The following HDAC9 variants were observed in gnomAD, a reference collection of about 807,000 sequenced individuals.
HDAC9 encodes the protein MEF-2 interacting transcription repressor (MITR) protein.
HDAC9 carries 41 observed loss-of-function variants against 139.4 expected under a neutral mutation model. The observed-to-expected ratio is 0.29, with a 90% CI of 0.23 to 0.38. The LOEUF (loss-of-function observed/expected upper bound fraction) is 0.38, where lower values mean the gene tolerates loss of function less well. Ranked by LOEUF, HDAC9 falls within the 10% of genes least tolerant of loss-of-function variation. HDAC9 has a pLI of 1.00. For synonymous variants in HDAC9, 517 were observed against 476.2 expected (o/e 1.09, Z -1.12); for missense variants, 1,147 against 1,297.0 (o/e 0.88, Z 1.78).
At chr7:18,716,421 A>C (rs1463455127) in intron 12 of HDAC9, among the ~76,000 whole-genome samples, 1 of 152,316 alleles carries the variant, frequency 6.6e-6, no homozygotes, top group African/African-American at 2.4e-5. Flanking sequence ...TTTAATTTCA[A>C]AATTGGAATA....
intron 1 of HDAC9, among the ~76,000 whole-genome samples, chr7:18,405,131 G>A (rs1357338943): frequency 6.6e-6 from 1 of 152,156 alleles, no homozygotes; most frequent in Non-Finnish European, 1.5e-5. Flanking sequence ...AGTGGCCCCC[G>A]GCAGGGAATT....
intron 2 of HDAC9, among the ~76,000 whole-genome samples, chr7:18,235,305 T>G (rs1313531102): frequency 2.0e-5 from 3 of 152,186 alleles, no homozygotes; most frequent in African/African-American, 7.2e-5. Flanking sequence ...GAAATATACC[T>G]CCGAGAGACC....
At chr7:18,512,662 C>T (rs777874938) in intron 2 of HDAC9, among the ~76,000 whole-genome samples, 9 of 152,168 alleles carry the variant, frequency 5.9e-5, no homozygotes, top group Admixed American at 3.3e-4. Flanking sequence ...ATCTTATTTC[C>T]ACCTCAACTC....
In HDAC9 at chr7:18,365,911, C is replaced by A. The variant is rs569238898; in HGVS notation, c.-42+75396C>A. Among the ~76,000 whole-genome samples, 73 of 150,500 alleles carry A rather than the reference C, an allele frequency of 4.9e-4. 2 individuals are homozygous for A. The highest frequency in any genetic ancestry group is 2.5e-3 in the East Asian group (13 of 5,118). ...AATGTAACATCATGCCTGATGAATTCTTCTGCTGGTTACTTTTATCCTTTA... is the reference window on the plus strand; with the variant it reads ...AATGTAACATCATGCCTGATGAATTATTCTGCTGGTTACTTTTATCCTTTA... On this transcript the variant is annotated intron_variant, in intron 1 of 3. Coordinates refer to the HDAC9 transcript ENST00000413509.
chr7:18,204,771 CT>C (rs1159519216), intron 2 of HDAC9, among the ~76,000 whole-genome samples: 1 of 151,856 alleles, frequency 6.6e-6, no homozygotes, highest in Admixed American at 6.6e-5. Context: ...TGTTTATCCC[CT>C]GTATGTAACA....
intron 1 of HDAC9, among the ~76,000 whole-genome samples, chr7:18,459,826 A>G (rs1043820964): frequency 1.3e-5 from 2 of 152,160 alleles, no homozygotes; most frequent in African/African-American, 4.8e-5. Flanking sequence ...TAAGAAAGGC[A>G]TCCATCTATT....
intron 14 of HDAC9, among the ~76,000 whole-genome samples, chr7:18,761,893 C>A: frequency 6.6e-6 from 1 of 152,136 alleles, no homozygotes; most frequent in East Asian, 1.9e-4. Flanking sequence ...CTATTAATTT[C>A]TGTGTTATAG....
intron 1 of HDAC9, among the ~76,000 whole-genome samples, chr7:18,098,235 T>C (rs1782634351): frequency 6.6e-6 from 1 of 152,250 alleles, no homozygotes; most frequent in Non-Finnish European, 1.5e-5. Context: ...GAGATCTTTA[T>C]GCAATTTGTA....
intron 1 of HDAC9, chr7:18,430,664 T>A (rs113420346): frequency 6.6e-6 from 1 of 152,272 alleles, no homozygotes; most frequent in African/African-American, 2.4e-5. Context: ...GGTAGATTGC[T>A]TGTGGCCAGT....
At chr7:18,944,520 A>AT (rs1201492073) in intron 23 of HDAC9, among the ~76,000 whole-genome samples, 7 of 151,878 alleles carry the variant, frequency 4.6e-5, no homozygotes, top group Middle Eastern at 3.2e-3. Flanking sequence ...AGTGCTTTTA[A>AT]TTTTTTTTGG....
In HDAC9 at chr7:18,604,548, C is replaced by A. The variant is rs1031481932; in HGVS notation, c.664+10519C>A. ...CAGCCTCCCGAGAAGCTGGGACCAC[C>A]ACCACGCCCAGCTAATTTTTTTTTT... On this transcript the variant is annotated intron_variant, in intron 6 of 25. Transcript: ENST00000686413. 4.0e-5 allele frequency among the ~76,000 whole-genome samples: 6 copies of A among 151,852 alleles called. No individual in the cohort carries two copies. In the South Asian group the frequency reaches 6.2e-4, roughly 16 times the overall value.
At chr7:18,406,716 C>T (rs1788045604) in intron 1 of HDAC9, among the ~76,000 whole-genome samples, 2 of 152,076 alleles carry the variant, frequency 1.3e-5, no homozygotes, top group African/African-American at 2.4e-5. Context: ...AATACTTTTA[C>T]GTATAACTTT....
chr7:18,570,954 G>A (rs1331628461), intron 2 of HDAC9, among the ~76,000 whole-genome samples: 1 of 152,162 alleles, frequency 6.6e-6, no homozygotes, highest in African/African-American at 2.4e-5. Flanking sequence ...GTACATTTAG[G>A]GAAGTCACAT....
chr7:18,838,160 TC>T (rs2129212815), intron 21 of HDAC9, among the ~76,000 whole-genome samples: 1 of 152,196 alleles, frequency 6.6e-6, no homozygotes, highest in African/African-American at 2.4e-5. Context: ...GGTAAGTCAT[TC>T]ATTTCAAAAA....
chr7:18,722,068 C>T (rs1003764924), intron 12 of HDAC9, among the ~76,000 whole-genome samples: 15 of 152,110 alleles, frequency 9.9e-5, no homozygotes, highest in Admixed American at 8.5e-4. Context: ...TGAATTTTAT[C>T]AGTGGGAGTG....
intron 1 of HDAC9, among the ~76,000 whole-genome samples, chr7:18,352,317 A>T (rs146579183): frequency 2.6e-5 from 4 of 152,318 alleles, no homozygotes; most frequent in Non-Finnish European, 4.4e-5. Flanking sequence ...ATGAAGTAAG[A>T]TAGAAGAGCT....
chr7:18,108,515 A>T (rs868575869), intron 1 of HDAC9, among the ~76,000 whole-genome samples: 22 of 152,214 alleles, frequency 1.4e-4, no homozygotes, highest in African/African-American at 5.1e-4. Context: ...TTTATTTCAA[A>T]TGAGAACTTA....
At chr7:18,367,028 C>G (rs1252343334) in intron 1 of HDAC9, among the ~76,000 whole-genome samples, 1 of 152,102 alleles carries the variant, frequency 6.6e-6, no homozygotes, top group Non-Finnish European at 1.5e-5. Context: ...TTCTCATTCT[C>G]TTCCCATCTG....
At chr7:18,152,033 A>G (rs918672036) in intron 1 of HDAC9, among the ~76,000 whole-genome samples, 1 of 151,898 alleles carries the variant, frequency 6.6e-6, no homozygotes, top group African/African-American at 2.4e-5. Context: ...TCTTTCATGT[A>G]TCTTCCCTTC....
Sources: gnomAD v4.1 joint callset for allele counts (sites outside exome capture counted in the v4.1 genomes callset) on GRCh38, gnomAD v4.1.1 for gene constraint, MANE v1.5 for transcripts, NCBI Gene and HGNC (gene_info 2026-07-23, HGNC 2026-07-21) for gene names.